The following TAS2R1 variants were observed in gnomAD, a reference collection of about 807,000 sequenced individuals.
TAS2R1 encodes the protein taste receptor type 2 member 1.
For missense variants in TAS2R1, 370 were observed against 353.4 expected, an observed-to-expected ratio of 1.05 and a Z score of -0.38; for synonymous variants, 141 against 134.2, an observed-to-expected ratio of 1.05 and a Z score of -0.35.
chr5:9,895,421 C>G, the TAS2R1 span, among the ~76,000 whole-genome samples: 1 of 152,188 alleles, frequency 6.6e-6, no homozygotes, highest in Non-Finnish European at 1.5e-5. Context: ...ATACCACCCC[C>G]TGTAGTGATG....
At chr5:9,885,926 T>C in the TAS2R1 span, among the ~76,000 whole-genome samples, 123,051 of 152,136 alleles carry the variant, frequency 0.81, 51,480 homozygotes, top group East Asian at 0.94. Flanking sequence ...TCAATAAAAT[T>C]ATTAGCACCA....
chr5:9,718,108 C>T, the TAS2R1 span, among the ~76,000 whole-genome samples: 5 of 151,932 alleles, frequency 3.3e-5, no homozygotes, highest in East Asian at 1.9e-4. Flanking sequence ...CACAGGCACA[C>T]GCCACCATGC....
At chr5:9,739,214 G>C in the TAS2R1 span, among the ~76,000 whole-genome samples, 1 of 152,104 alleles carries the variant, frequency 6.6e-6, no homozygotes, top group Non-Finnish European at 1.5e-5. Flanking sequence ...TTCAAATCCA[G>C]TTTTCTTTCC....
chr5:9,684,576 T>C (rs138131742), intron 1 of TAS2R1, among the ~76,000 whole-genome samples: 1,975 of 152,284 alleles, frequency 0.013, 18 homozygotes, highest in Admixed American at 0.034. Flanking sequence ...GCAACAGCTA[T>C]TCACAAGTGT....
rs575658014 is a variant in TAS2R1, at chr5:9,681,120, G to T, written c.-241-21539C>A. 3.1e-4 allele frequency among the ~76,000 whole-genome samples: 47 copies of T among 151,808 alleles called. No homozygotes were observed. In the East Asian group the frequency reaches 5.6e-3, roughly 18 times the overall value. On this transcript the variant is annotated intron_variant, in intron 1 of 2. Transcript: ENST00000506620. ...AAAATAATAAAAATAAATCTAACAT[G>T]GTATCCTGAATGGACTCTTGGACCA...
At chr5:9,757,881 C>T in the TAS2R1 span, among the ~76,000 whole-genome samples, 1 of 151,338 alleles carries the variant, frequency 6.6e-6, no homozygotes, top group South Asian at 2.1e-4. Context: ...TATCTCAAAA[C>T]CTATATAATT....
At chr5:9,650,380 T>G (rs1262325198) in intron 2 of TAS2R1, among the ~76,000 whole-genome samples, 1 of 152,068 alleles carries the variant, frequency 6.6e-6, no homozygotes, top group Non-Finnish European at 1.5e-5. Flanking sequence ...AAACTGTGTG[T>G]GTGTGTGGTG....
chr5:9,813,009 A>G, the TAS2R1 span, among the ~76,000 whole-genome samples: 1 of 152,244 alleles, frequency 6.6e-6, no homozygotes, highest in Non-Finnish European at 1.5e-5. Flanking sequence ...TTCATATAAT[A>G]AAATCCTAAC....
At chr5:9,814,013 A>T in the TAS2R1 span, among the ~76,000 whole-genome samples, 2 of 152,324 alleles carry the variant, frequency 1.3e-5, no homozygotes, top group East Asian at 3.9e-4. Flanking sequence ...TGCTTTCCAG[A>T]ATACAAATCT....
At chr5:9,779,354 T>C in the TAS2R1 span, among the ~76,000 whole-genome samples, 2 of 152,164 alleles carry the variant, frequency 1.3e-5, no homozygotes, top group African/African-American at 4.8e-5. Context: ...ACCAATTAAA[T>C]CTCATCGTTA....
chr5:9,693,991 AG>A (rs1389816618), intron 1 of TAS2R1, among the ~76,000 whole-genome samples: 1 of 152,242 alleles, frequency 6.6e-6, no homozygotes, highest in African/African-American at 2.4e-5. Context: ...AAATTACAAA[AG>A]TAAATTGAGA....
At chr5:9,733,449 T>G in the TAS2R1 span, among the ~76,000 whole-genome samples, 3 of 152,218 alleles carry the variant, frequency 2.0e-5, no homozygotes, top group African/African-American at 7.2e-5. Context: ...TCAGGCAAAG[T>G]GACTGCTGCT....
the TAS2R1 span, among the ~76,000 whole-genome samples, chr5:9,737,482 G>T: frequency 6.6e-6 from 1 of 152,178 alleles, no homozygotes; most frequent in Admixed American, 6.5e-5. Flanking sequence ...ACAGCACCCA[G>T]CATTTTGCGG....
chr5:9,831,903 A>G, the TAS2R1 span, among the ~76,000 whole-genome samples: 1 of 152,194 alleles, frequency 6.6e-6, no homozygotes, highest in Non-Finnish European at 1.5e-5. Context: ...TGAATCACTT[A>G]TTTGTTGGGA....
At chr5:9,805,497 A>T in the TAS2R1 span, among the ~76,000 whole-genome samples, 1 of 152,168 alleles carries the variant, frequency 6.6e-6, no homozygotes, top group East Asian at 1.9e-4. Context: ...AAAAATTCTC[A>T]ACAAAATACT....
At chr5:9,685,433 T>A (rs1028850657) in intron 1 of TAS2R1, among the ~76,000 whole-genome samples, 1 of 152,104 alleles carries the variant, frequency 6.6e-6, no homozygotes, top group African/African-American at 2.4e-5. Context: ...ATAACAATTA[T>A]ATACTACATA....
chr5:9,816,100 T>C, the TAS2R1 span, among the ~76,000 whole-genome samples: 1 of 152,202 alleles, frequency 6.6e-6, no homozygotes, highest in African/African-American at 2.4e-5. Context: ...GGATTATATG[T>C]CTTTATCATA....
At chr5:9,832,435 C>G in the TAS2R1 span, among the ~76,000 whole-genome samples, 4 of 152,162 alleles carry the variant, frequency 2.6e-5, no homozygotes, top group African/African-American at 9.7e-5. Flanking sequence ...AAACGTAAGG[C>G]AAAACTATGA....
chr5:9,695,593 G>A (rs1375798204), intron 1 of TAS2R1, among the ~76,000 whole-genome samples: 1 of 152,146 alleles, frequency 6.6e-6, no homozygotes, highest in African/African-American at 2.4e-5. Flanking sequence ...TGCACTGGGG[G>A]TGGGAGTATG....
Sources: allele counts gnomAD v4.1 joint callset (sites outside exome capture counted in the v4.1 genomes callset), GRCh38; gene constraint gnomAD v4.1.1; transcripts MANE v1.5; gene names NCBI Gene and HGNC (gene_info 2026-07-23, HGNC 2026-07-21).